The following PYGL variants were observed in gnomAD, a reference collection of about 807,000 sequenced individuals.
The protein encoded by PYGL is glycogen phosphorylase L.
In PYGL, 90 loss-of-function variants were observed where a neutral mutation model predicts 100.1. The ratio of observed to expected loss-of-function variants is 0.90; its 90% CI spans 0.76 to 1.07. The LOEUF (loss-of-function observed/expected upper bound fraction) is 1.07. Ranked by LOEUF, PYGL falls within the 50% of genes least tolerant of loss-of-function variation. PYGL has a pLI of 0.00. For synonymous variants in PYGL, 373 were observed against 393.0 expected, an observed-to-expected ratio of 0.95 and a Z score of 0.60; for missense variants, 1,016 against 1,057.6, an observed-to-expected ratio of 0.96 and a Z score of 0.55.
rs190359912 is a variant in PYGL, at chr14:50,920,698, C to G, written c.773-75G>C. 30 of 1,415,054 alleles carry G rather than the reference C, an allele frequency of 2.1e-5. No homozygotes were observed. In the South Asian group the frequency reaches 3.0e-4, roughly 14 times the overall value. The allele number at this position is 1,415,054 out of a possible 1,614,324, so 87.7% of individuals were successfully genotyped here. A position where few individuals can be genotyped will look rare whatever the true frequency, so the allele number is the denominator to read the frequency against. On this transcript the variant is annotated intron_variant, in intron 6 of 19. Coordinates refer to ENST00000216392, the MANE Select transcript of PYGL (RefSeq NM_002863.5). ...TGGAAACCTCTTGATCTCACTGGCT[C>G]TGTGCTGTGTGTCATGTGGGATTCC... is the stretch of plus-strand genomic sequence containing the variant.
At chr14:50,912,826 C>T (rs1243032546) in intron 13 of PYGL, among the ~76,000 whole-genome samples, 13 of 152,140 alleles carry the variant, frequency 8.5e-5, no homozygotes, top group South Asian at 2.1e-4. Context: ...TGGTGGCGGG[C>T]GCCTGTCATC....
chr14:50,937,876 G>C (rs1351649978), intron 1 of PYGL, 39 bp from the exon 2 acceptor site: 1 of 1,533,082 alleles, frequency 6.5e-7, no homozygotes. Flanking sequence ...TCCCCCAAGA[G>C]ATCAACCTCA....
intron 5 of PYGL, 186 bp from the exon 6 acceptor site, chr14:50,921,253 C>T: frequency 1.7e-6 from 1 of 597,420 alleles, no homozygotes; most frequent in South Asian, 1.9e-5. Context: ...TGTGGTTCCT[C>T]CCCGACCTGG....
At chr14:50,941,407 G>A (rs887419583) in intron 1 of PYGL, among the ~76,000 whole-genome samples, 8 of 152,164 alleles carry the variant, frequency 5.3e-5, no homozygotes, top group Non-Finnish European at 1.0e-4. Context: ...AAATAACCAC[G>A]TGAAGTCAGC....
intron 4 of PYGL, among the ~76,000 whole-genome samples, chr14:50,928,411 G>C (rs537840016): frequency 6.6e-6 from 1 of 152,142 alleles, no homozygotes; most frequent in Non-Finnish European, 1.5e-5. Flanking sequence ...TACGAACTTG[G>C]TGTGGGTGCT....
chr14:50,915,368 A>C lies in PYGL; in HGVS notation c.1371T>G (p.Ala457=). ...IVGSHAVNGV[A]KIHSDIVKTK... ...TCTTCACGATGTCTGAGTGGATTTT[A>C]GCCACGCCATTCACAGCATGGGAAC... The change falls in exon 11 of 20, where the codon GCT becomes GCG. Residue 457 remains alanine (A), a synonymous_variant. Transcript: ENST00000216392. 1 of 1,614,172 alleles carries C rather than the reference A, an allele frequency of 6.2e-7. No homozygotes were observed. The highest frequency in any genetic ancestry group is 8.5e-7 in the Non-Finnish European group (1 of 1,180,026).
chr14:50,929,627 T>C (rs909426893), intron 4 of PYGL, among the ~76,000 whole-genome samples: 1 of 152,068 alleles, frequency 6.6e-6, no homozygotes, highest in African/African-American at 2.4e-5. Context: ...AGATAAGAAA[T>C]GAGATCCTTG....
rs1194084235 is a variant in PYGL at position 50,920,577 on chromosome 14, G to T, written c.819C>A (p.Ala273=). 1.2e-6 allele frequency: 2 copies of T among 1,613,490 alleles called. No individual in the cohort carries two copies. The highest frequency in any genetic ancestry group is 1.7e-6 in the Non-Finnish European group (2 of 1,179,478). Residue 273 remains alanine, a synonymous_variant, in exon 7 of 20, where the codon GCC becomes GCA. Coordinates refer to ENST00000216392, the MANE Select transcript of PYGL (RefSeq NM_002863.5). ...GATAGAGGACCCGGGAGATGTTCTC[G>T]GCCAGGTTTCGGTCCAGCACAGCCT... is the stretch of plus-strand genomic sequence containing the variant. ...YIQAVLDRNL[A]ENISRVLYPN... is the part of the protein sequence containing the mutation.
chr14:50,940,462 T>C (rs1416973626), intron 1 of PYGL, among the ~76,000 whole-genome samples: 2 of 152,240 alleles, frequency 1.3e-5, no homozygotes, highest in African/African-American at 2.4e-5. Flanking sequence ...TTGAGAGATA[T>C]GTGGTTGCTC....
intron 3 of PYGL, among the ~76,000 whole-genome samples, chr14:50,932,940 A>G (rs2050615514): frequency 6.6e-6 from 1 of 152,226 alleles, no homozygotes. Context: ...TTTTTCTTAC[A>G]TCGCCAATCC....
intron 4 of PYGL, among the ~76,000 whole-genome samples, chr14:50,924,353 A>C (rs1049584095): frequency 6.6e-6 from 1 of 152,214 alleles, no homozygotes; most frequent in Non-Finnish European, 1.5e-5. Flanking sequence ...GTCAAATAGT[A>C]AACGGTAGAG....
Position 50,916,738 on chromosome 14 carries a change from G to A in PYGL, c.1000-4C>T. ...TGTCATTCAGCTGGATGGCCACCTG[G>A]GTGGGGAAAGACATCAACATGAAGG... On this transcript the variant is annotated splice_polypyrimidine_tract_variant and splice_region_variant and intron_variant, in intron 8 of 19. Coordinates refer to ENST00000216392, the MANE Select transcript of PYGL (RefSeq NM_002863.5). The A allele has an allele frequency of 1.9e-6, 3 of 1,612,488 alleles. No homozygotes were observed. The highest frequency in any genetic ancestry group is 2.5e-6 in the Non-Finnish European group (3 of 1,178,544).
At position 50,921,001 on chromosome 14, in the gene PYGL, G is replaced by T; in HGVS notation, c.727C>A (p.Arg243Ser). ...TTTGGTGCCCGAGCAGACCAGAGGC[G>T]CATGGTGTTGACAGTGTTATTCATG... is the stretch of plus-strand genomic sequence containing the variant. ...GYMNNTVNTM[R>S]LWSARAPNDF... The change falls in exon 6 of 20, where the codon CGC becomes AGC. Residue 243 changes from arginine (R) to serine (S), a missense_variant. Physicochemically the swap from Arg to Ser is moderately radical, Grantham distance 110. Coordinates refer to ENST00000216392, the MANE Select transcript of PYGL (RefSeq NM_002863.5). 1 of 1,614,214 alleles carries T rather than the reference G, an allele frequency of 6.2e-7. No homozygotes were observed. Among genetic ancestry groups the T allele is most frequent in the Non-Finnish European group, 8.5e-7 (1 of 1,180,036 alleles).
intron 19 of PYGL, among the ~76,000 whole-genome samples, chr14:50,907,902 T>C (rs929203694): frequency 1.3e-5 from 2 of 151,248 alleles, no homozygotes; most frequent in Non-Finnish European, 2.9e-5. Flanking sequence ...AAAAATTAGC[T>C]AAGTGTGGTG....
At chr14:50,921,193 G>T in intron 5 of PYGL, 126 bp from the exon 6 acceptor site, 1 of 741,914 alleles carries the variant, frequency 1.3e-6, no homozygotes, top group Non-Finnish European at 2.3e-6. Context: ...ATTGTGTGAG[G>T]CCTAAATGGA....
chr14:50,911,078 C>A (rs574271752), intron 16 of PYGL, among the ~76,000 whole-genome samples: 14 of 152,334 alleles, frequency 9.2e-5, no homozygotes, highest in East Asian at 5.8e-4. Context: ...CCCTTTCTAC[C>A]TTTTCAGTTT....
intron 4 of PYGL, among the ~76,000 whole-genome samples, chr14:50,929,176 A>G (rs1385845090): frequency 1.3e-5 from 2 of 152,026 alleles, no homozygotes; most frequent in East Asian, 1.9e-4. Context: ...TCAGCCCCCA[A>G]GTAGCTGGGA....
Position 50,909,990 on chromosome 14 carries a change from A to G in PYGL, c.2082T>C (p.Asp694=). 6.2e-7 allele frequency: 1 copy of G among 1,614,164 alleles called. No individual in the cohort carries two copies. The highest frequency in any genetic ancestry group is 8.5e-7 in the Non-Finnish European group (1 of 1,180,038). Residue 694 remains aspartate (D), a synonymous_variant, in exon 17 of 20, where the codon GAT becomes GAC. Coordinates refer to ENST00000216392, the MANE Select transcript of PYGL (RefSeq NM_002863.5). ...LNGALTIGTM[D]GANVEMAEEA... ...CTTCTGCCATTTCCACATTGGCCCC[A>G]TCCATGGTCCCGATAGTTAGGGCCC...
At position 50,910,002 on chromosome 14, in the gene PYGL, G is replaced by A. The variant is rs781089811; in HGVS notation, c.2070C>T (p.Ile690=). The change falls in exon 17 of 20, where the codon ATC becomes ATT. Residue 690 remains isoleucine, a synonymous_variant. Transcript: ENST00000216392. Reference sequence around the variant, plus strand: ...CCACATTGGCCCCATCCATGGTCCCGATAGTTAGGGCCCCATTTAGCATGA... The same window carrying A: ...CCACATTGGCCCCATCCATGGTCCCAATAGTTAGGGCCCCATTTAGCATGA... ...MKFMLNGALT[I]GTMDGANVEM... The A allele has an allele frequency of 9.9e-6, 16 of 1,614,144 alleles. No individual in the cohort carries two copies. The highest frequency in any genetic ancestry group is 1.3e-5 in the Non-Finnish European group (15 of 1,180,004).
Sources: allele counts gnomAD v4.1 joint callset (sites outside exome capture counted in the v4.1 genomes callset), GRCh38; gene constraint gnomAD v4.1.1; transcripts MANE v1.5; gene names NCBI Gene and HGNC (gene_info 2026-07-23, HGNC 2026-07-21).